ANP32A: variants seen among roughly 807,000 people sequenced by gnomAD.
ANP32A encodes the protein acidic leucine-rich nuclear phosphoprotein 32 family member A.
Under a neutral mutation model 33.9 loss-of-function variants are expected in ANP32A, and 1 was observed. The observed-to-expected ratio is 0.03, with a 90% CI of 0.01 to 0.14. The LOEUF (loss-of-function observed/expected upper bound fraction) is 0.14, where lower values mean the gene tolerates loss of function less well. Among genes scored for constraint, ANP32A ranks in the 10% least tolerant of loss-of-function variants. The pLI is 1.00. For missense variants in ANP32A, 155 were observed against 306.0 expected, an observed-to-expected ratio of 0.51 and a Z score of 3.68; for synonymous variants, 115 against 120.5, an observed-to-expected ratio of 0.95 and a Z score of 0.30.
chr15:68,788,022 GCAGT>G, intron 1 of ANP32A, 103 bp from the exon 2 acceptor site: 2 of 1,385,084 alleles, frequency 1.4e-6, no homozygotes, highest in Non-Finnish European at 2.0e-6. Context: ...GACGCAGGAA[GCAGT>G]CAGTCACTCC....
chr15:68,795,809 G>T (rs942629008), intron 1 of ANP32A, among the ~76,000 whole-genome samples: 5 of 152,246 alleles, frequency 3.3e-5, no homozygotes, highest in Non-Finnish European at 7.4e-5. Context: ...CTACCTTCCA[G>T]CTGGTATAGA....
intron 1 of ANP32A, among the ~76,000 whole-genome samples, chr15:68,798,936 G>C (rs1894096242): frequency 6.6e-6 from 1 of 152,208 alleles, no homozygotes; most frequent in East Asian, 1.9e-4. Context: ...GGAAATCGCT[G>C]ATTTGGGCAG....
At chr15:68,792,063 T>C (rs143016443) in intron 1 of ANP32A, 1 of 152,428 alleles carries the variant, frequency 6.6e-6, no homozygotes, top group East Asian at 1.9e-4. Context: ...TCCTCTGTAC[T>C]TGGTTCTAAC....
rs187709627 is a variant in ANP32A, at chr15:68,810,029, T to G, written c.54+10669A>C. Among the ~76,000 whole-genome samples, 3 of 152,294 alleles carry G rather than the reference T, an allele frequency of 2.0e-5. No individual in the cohort carries two copies. The East Asian group carries it at 5.8e-4, about 29-fold the overall frequency. Reference sequence around the variant, plus strand: ...CTGGCAAAAGAACTAGATCTAAACCTGACGGAGGAGGCTGGAGATGGTAAA... The same window carrying G: ...CTGGCAAAAGAACTAGATCTAAACCGGACGGAGGAGGCTGGAGATGGTAAA... On this transcript the variant is annotated intron_variant, in intron 1 of 6. Coordinates refer to ENST00000465139, the MANE Select transcript of ANP32A (RefSeq NM_006305.4).
intron 1 of ANP32A, among the ~76,000 whole-genome samples, chr15:68,809,169 G>A (rs1894279912): frequency 6.6e-6 from 1 of 152,184 alleles, no homozygotes; most frequent in African/African-American, 2.4e-5. Context: ...TAAACAAAGA[G>A]CACCAAGCTG....
At chr15:68,786,035 C>G (rs1283079065) in intron 3 of ANP32A, among the ~76,000 whole-genome samples, 4 of 152,126 alleles carry the variant, frequency 2.6e-5, no homozygotes, top group Non-Finnish European at 2.9e-5. Flanking sequence ...AAAAGAAATG[C>G]CAGTGTCCTC....
At chr15:68,800,720 G>A (rs1261895412) in intron 1 of ANP32A, among the ~76,000 whole-genome samples, 1 of 86,078 alleles carries the variant, frequency 1.2e-5, no homozygotes, top group Non-Finnish European at 2.1e-5. Flanking sequence ...CTCCAGCCTG[G>A]GCGACACAGC....
At chr15:68,805,846 T>C (rs1332239823) in intron 1 of ANP32A, among the ~76,000 whole-genome samples, 1 of 152,136 alleles carries the variant, frequency 6.6e-6, no homozygotes. Context: ...AGCCATGCCT[T>C]TGCTTGAAGG....
intron 1 of ANP32A, among the ~76,000 whole-genome samples, chr15:68,813,517 C>T (rs1894338927): frequency 6.6e-6 from 1 of 152,152 alleles, no homozygotes; most frequent in South Asian, 2.1e-4. Flanking sequence ...TATTTCAAAG[C>T]TATAGAAGAT....
At chr15:68,783,353 G>C (rs369297880) in intron 4 of ANP32A, among the ~76,000 whole-genome samples, 2 of 151,976 alleles carry the variant, frequency 1.3e-5, no homozygotes, top group African/African-American at 4.8e-5. Flanking sequence ...ACAGGTTCCA[G>C]GGCCCGGGAA....
At chr15:68,808,784 G>A (rs2054028) in intron 1 of ANP32A, among the ~76,000 whole-genome samples, 145,860 of 152,270 alleles carry the variant, frequency 0.96, 70,187 homozygotes, top group East Asian at 1. Flanking sequence ...GCATACACAC[G>A]TAGTTCTCAC....
chr15:68,806,550 C>T (rs755382251), intron 1 of ANP32A, among the ~76,000 whole-genome samples: 1 of 152,214 alleles, frequency 6.6e-6, no homozygotes, highest in Non-Finnish European at 1.5e-5. Context: ...CACCTAAATG[C>T]AAAGACACAC....
In ANP32A at chr15:68,801,221, A is replaced by AG. The variant is rs1555423697; in HGVS notation, c.55-13303_55-13302insC. On this transcript the variant is annotated intron_variant, in intron 1 of 6. Transcript: ENST00000465139. ...CTGCCTTAAAGGAAGAAGAAGAAGA[A>AG]AAAAAAAAAAAAAAGCAAAGGAAAA... Among the ~76,000 whole-genome samples, 468 of 66,594 alleles carry AG rather than the reference A, an allele frequency of 7.0e-3. 7 individuals are homozygous for AG. Among genetic ancestry groups the AG allele is most frequent in the South Asian group, 0.012 (14 of 1,198 alleles). The allele number at this position is 66,594 out of a possible 152,430, so 43.7% of individuals were successfully genotyped here. A position where few individuals can be genotyped will look rare whatever the true frequency, so the allele number is the denominator to read the frequency against.
chr15:68,787,332 C>G, intron 3 of ANP32A, 81 bp downstream of exon 3: 1 of 1,586,608 alleles, frequency 6.3e-7, no homozygotes, highest in Non-Finnish European at 8.6e-7. Context: ...GGGAAAAGGA[C>G]AAATGCAAAA....
At chr15:68,793,321 T>G (rs1169930457) in intron 1 of ANP32A, among the ~76,000 whole-genome samples, 3 of 152,218 alleles carry the variant, frequency 2.0e-5, no homozygotes, top group Non-Finnish European at 4.4e-5. Flanking sequence ...CCCTATCTTT[T>G]ATAAACACCA....
chr15:68,791,302 T>C (rs1026358350), intron 1 of ANP32A: 1 of 152,268 alleles, frequency 6.6e-6, no homozygotes, highest in Non-Finnish European at 1.5e-5. Flanking sequence ...AAGGTTCTCA[T>C]GTCACTTACA....
chr15:68,791,331 T>G (rs1227109781), intron 1 of ANP32A: 1 of 152,268 alleles, frequency 6.6e-6, no homozygotes, highest in Non-Finnish European at 1.5e-5. Context: ...TAAATAAATT[T>G]GTTACGCTCT....
rs997331235 is a variant in ANP32A at position 68,806,141 on chromosome 15, A to G, written c.54+14557T>C. On this transcript the variant is annotated intron_variant, in intron 1 of 6. Coordinates refer to ENST00000465139, the MANE Select transcript of ANP32A (RefSeq NM_006305.4). The stretch of plus-strand genomic sequence containing the variant: ...CCCCCATAACTCTGGTTAACATCAG[A>G]CAGTAGTGGCCAAGTGCTGCTCACC... Among the ~76,000 whole-genome samples, 27 of 152,300 alleles carry G rather than the reference A, an allele frequency of 1.8e-4. No homozygotes were observed. In the East Asian group the frequency reaches 5.2e-3, roughly 29 times the overall value.
chr15:68,794,390 C>T (rs2140363972), intron 1 of ANP32A, among the ~76,000 whole-genome samples: 1 of 152,320 alleles, frequency 6.6e-6, no homozygotes, highest in East Asian at 1.9e-4. Context: ...CTAACCCTGA[C>T]CACCCTTGAT....
Sources: gnomAD v4.1 joint callset for allele counts (sites outside exome capture counted in the v4.1 genomes callset) on GRCh38, gnomAD v4.1.1 for gene constraint, MANE v1.5 for transcripts, NCBI Gene and HGNC (gene_info 2026-07-23, HGNC 2026-07-21) for gene names.